CARNMT1: variants seen among roughly 807,000 people sequenced by gnomAD.
The protein encoded by CARNMT1 is carnosine N-methyltransferase 1.
In CARNMT1, 28 loss-of-function variants were observed where a neutral mutation model predicts 49.6. The observed-to-expected ratio is 0.56, with a 90% confidence interval of 0.42 to 0.77. The LOEUF (loss-of-function observed/expected upper bound fraction) is 0.77. Among genes scored for constraint, CARNMT1 ranks in the 30% least tolerant of loss-of-function variants. The pLI, the probability that CARNMT1 is intolerant of heterozygous loss-of-function variation, is 0.00. For synonymous variants in CARNMT1, 178 were observed against 175.0 expected (o/e 1.02, Z -0.13); for missense variants, 421 against 512.6 (o/e 0.82, Z 1.73).
intron 1 of CARNMT1, among the ~76,000 whole-genome samples, chr9:75,024,538 C>T (rs1206396270): frequency 6.6e-6 from 1 of 152,192 alleles, no homozygotes; most frequent in Non-Finnish European, 1.5e-5. Flanking sequence ...CGTAACAAGA[C>T]TGGGTTATAA....
At chr9:74,985,048 A>T (rs1832790491) in intron 6 of CARNMT1, 38 bp from the exon 7 acceptor site, 3 of 1,388,692 alleles carry the variant, frequency 2.2e-6, no homozygotes, top group African/African-American at 1.4e-5. Context: ...TTGAATATAA[A>T]CATACACTCA....
chr9:74,997,414 G>A (rs2118785297), intron 5 of CARNMT1, among the ~76,000 whole-genome samples: 1 of 152,108 alleles, frequency 6.6e-6, no homozygotes, highest in East Asian at 1.9e-4. Flanking sequence ...CCTGCTTTAA[G>A]CCCTCCAATG....
rs115871967 is a variant in CARNMT1 at position 75,021,058 on chromosome 9, G to A, written c.231-3610C>T. On this transcript the variant is annotated intron_variant, in intron 1 of 7. Coordinates refer to ENST00000376834, the MANE Select transcript of CARNMT1 (RefSeq NM_152420.3). The stretch of plus-strand genomic sequence containing the variant: ...GGGACTAAACCAAGTCAGTTAATAC[G>A]GATTATTCTGAAAGATCTTCATAAT... Among the ~76,000 whole-genome samples the A allele has an allele frequency of 8.3e-3, 1,257 of 151,926 alleles. 21 individuals are homozygous for A. Among genetic ancestry groups the A allele is most frequent in the African/African-American group, 0.028 (1,162 of 41,404 alleles).
intron 6 of CARNMT1, among the ~76,000 whole-genome samples, chr9:74,985,729 G>A (rs1027147586): frequency 1.3e-5 from 2 of 152,072 alleles, no homozygotes; most frequent in Admixed American, 6.5e-5. Flanking sequence ...ACAGGAACCT[G>A]TCGCCACGCC....
rs960857381 is a variant in CARNMT1 at position 74,983,106 on chromosome 9, T to C, written c.*661A>G. On this transcript the variant is annotated 3_prime_UTR_variant, in exon 8 of 8. Coordinates refer to ENST00000376834, the MANE Select transcript of CARNMT1 (RefSeq NM_152420.3). ...TAAAATAGACACAGGCCAGGCGCGG[T>C]GGTACATGCCTACAGTCCTAGCTAC... 3.4e-4 allele frequency: 52 copies of C among 151,962 alleles called. 2 individuals are homozygous for C. Among genetic ancestry groups the C allele is most frequent in the Non-Finnish European group, 8.8e-5 (6 of 67,980 alleles). The allele number at this position is 151,962 out of a possible 1,614,324, so 9.4% of individuals were successfully genotyped here. A position where few individuals can be genotyped will look rare whatever the true frequency, so the allele number is the denominator to read the frequency against.
At chr9:75,005,979 C>T (rs1833500911) in intron 3 of CARNMT1, among the ~76,000 whole-genome samples, 1 of 151,988 alleles carries the variant, frequency 6.6e-6, no homozygotes, top group African/African-American at 2.4e-5. Flanking sequence ...TAGAAATTTA[C>T]CTGAAAGACA....
At chr9:75,014,456 T>G (rs533979389) in intron 3 of CARNMT1, among the ~76,000 whole-genome samples, 1 of 152,276 alleles carries the variant, frequency 6.6e-6, no homozygotes, top group Non-Finnish European at 1.5e-5. Context: ...GAAACTTGAA[T>G]ATAGACTGTA....
intron 6 of CARNMT1, among the ~76,000 whole-genome samples, chr9:74,990,879 C>T (rs1220754585): frequency 6.6e-6 from 1 of 151,886 alleles, no homozygotes. Context: ...TCTAAAAGTT[C>T]TGGTTAAGAG....
At chr9:75,018,909 G>A (rs539223916) in intron 1 of CARNMT1, among the ~76,000 whole-genome samples, 7 of 150,176 alleles carry the variant, frequency 4.7e-5, no homozygotes, top group African/African-American at 1.7e-4. Flanking sequence ...AGAGGCTGCA[G>A]TGAGCCGAGA....
At chr9:75,002,291 T>G (rs1469101931) in intron 3 of CARNMT1, among the ~76,000 whole-genome samples, 1 of 152,254 alleles carries the variant, frequency 6.6e-6, no homozygotes, top group Non-Finnish European at 1.5e-5. Context: ...GTTGTAAATT[T>G]TAAAACTCCA....
At chr9:75,028,358 C>G, upstream of CARNMT1, 3 of 1,301,946 alleles carry the variant, frequency 2.3e-6, no homozygotes, top group Non-Finnish European at 2.9e-6. Flanking sequence ...CAGCTCGCGG[C>G]GCGCTCCGCC....
intron 1 of CARNMT1, among the ~76,000 whole-genome samples, chr9:75,026,533 T>G (rs1284314618): frequency 6.6e-6 from 1 of 152,210 alleles, no homozygotes; most frequent in East Asian, 1.9e-4. Flanking sequence ...TCACAATTCC[T>G]GCATCAAATT....
At chr9:74,994,052 G>A (rs958190299) in intron 6 of CARNMT1, among the ~76,000 whole-genome samples, 4 of 152,196 alleles carry the variant, frequency 2.6e-5, no homozygotes, top group African/African-American at 9.6e-5. Context: ...GGTCGTAAGG[G>A]TGGGGTCCTC....
At chr9:75,027,658 A>G (rs1448577055) in intron 1 of CARNMT1, among the ~76,000 whole-genome samples, 1 of 152,228 alleles carries the variant, frequency 6.6e-6, no homozygotes, top group African/African-American at 2.4e-5. Context: ...CCAGCAGTGG[A>G]CGATTGTACC....
chr9:75,019,052 G>A (rs1833931150), intron 1 of CARNMT1, among the ~76,000 whole-genome samples: 1 of 149,922 alleles, frequency 6.7e-6, no homozygotes, highest in Admixed American at 6.7e-5. Flanking sequence ...AGTTACTATA[G>A]AATGAAGAAA....
chr9:75,002,484 G>GT (rs1833389881), intron 3 of CARNMT1, among the ~76,000 whole-genome samples: 1 of 152,142 alleles, frequency 6.6e-6, no homozygotes, highest in Admixed American at 6.5e-5. Flanking sequence ...GAGACGTGCT[G>GT]TAAGTGTAAA....
intron 5 of CARNMT1, 62 bp from the exon 6 acceptor site, chr9:74,996,622 A>T: frequency 1.1e-6 from 1 of 923,918 alleles, no homozygotes; most frequent in Admixed American, 2.4e-5. Context: ...CTTTTAATTA[A>T]TTATTTAAAT....
At chr9:74,995,682 C>T (rs988313701) in intron 6 of CARNMT1, among the ~76,000 whole-genome samples, 4 of 152,114 alleles carry the variant, frequency 2.6e-5, no homozygotes, top group Non-Finnish European at 5.9e-5. Context: ...AGGCCAAGGG[C>T]TCAAGACCAT....
chr9:75,025,388 T>A (rs754471246), intron 1 of CARNMT1, among the ~76,000 whole-genome samples: 11 of 152,220 alleles, frequency 7.2e-5, no homozygotes, highest in Non-Finnish European at 7.4e-5. Flanking sequence ...ATTATTACAG[T>A]AGTACAGTAT....
Sources: gnomAD v4.1 joint callset for allele counts (sites outside exome capture counted in the v4.1 genomes callset) on GRCh38, gnomAD v4.1.1 for gene constraint, MANE v1.5 for transcripts, NCBI Gene and HGNC (gene_info 2026-07-23, HGNC 2026-07-21) for gene names.